Variants in SLC25A42 observed in about 807,000 individuals in gnomAD.
SLC25A42 encodes solute carrier family 25 member 42.
Under a neutral mutation model 34.7 loss-of-function variants are expected in SLC25A42, and 19 were observed. The ratio of observed to expected loss-of-function variants is 0.55; its 90% CI spans 0.38 to 0.80. The LOEUF is 0.80. Among genes scored for constraint, SLC25A42 ranks in the 30% least tolerant of loss-of-function variants. The pLI is 0.00. For missense variants in SLC25A42, 364 were observed against 441.3 expected (o/e 0.82, Z 1.57); for synonymous variants, 205 against 191.2 (o/e 1.07, Z -0.59).
chr19:19,068,404 C>T (rs573283919), intron 1 of SLC25A42, among the ~76,000 whole-genome samples: 12 of 148,094 alleles, frequency 8.1e-5, no homozygotes, highest in Non-Finnish European at 1.6e-4. Context: ...TGGTGGCTCA[C>T]GCCTTTCATC....
intron 1 of SLC25A42, among the ~76,000 whole-genome samples, chr19:19,066,733 GAGCCACTGCGCCC>G (rs1029071091): frequency 8.5e-5 from 13 of 152,126 alleles, no homozygotes; most frequent in Admixed American, 7.9e-4. Context: ...TTACAGGCGT[GAGCCACTGCGCCC>G]AGCCACTGCA....
chr19:19,103,933 GTC>G (rs897465505), intron 3 of SLC25A42, among the ~76,000 whole-genome samples: 6 of 151,240 alleles, frequency 4.0e-5, no homozygotes, highest in Admixed American at 1.3e-4. Flanking sequence ...TAGAGACAGA[GTC>G]TCTCTCTGTC....
rs201832513 is a variant in SLC25A42, at chr19:19,072,689, T to A, written c.-35+8574T>A. ...TGAGCCACCTCACTCAGCCAAAAAATTTTTTTTAGAGACAGGGTCTTGTTC... is the reference window on the plus strand; with the variant it reads ...TGAGCCACCTCACTCAGCCAAAAAAATTTTTTTAGAGACAGGGTCTTGTTC... On this transcript the variant is annotated intron_variant, in intron 1 of 7. Coordinates refer to ENST00000318596, the MANE Select transcript of SLC25A42 (RefSeq NM_178526.5). 5.5e-4 allele frequency among the ~76,000 whole-genome samples: 83 copies of A among 150,744 alleles called. No homozygotes were observed. The East Asian group carries it at 0.013, about 24-fold the overall frequency.
chr19:19,089,919 G>A (rs1177183248), intron 1 of SLC25A42, among the ~76,000 whole-genome samples: 1 of 152,116 alleles, frequency 6.6e-6, no homozygotes, highest in African/African-American at 2.4e-5. Flanking sequence ...GAGCTGAGAA[G>A]AGTAAGGCAT....
intron 1 of SLC25A42, among the ~76,000 whole-genome samples, chr19:19,065,588 C>T (rs1433851763): frequency 6.6e-6 from 1 of 152,132 alleles, no homozygotes; most frequent in Non-Finnish European, 1.5e-5. Context: ...CCTGCAAAGA[C>T]GGTACCAGAA....
At chr19:19,101,448 G>A (rs568755878) in intron 2 of SLC25A42, among the ~76,000 whole-genome samples, 2 of 152,298 alleles carry the variant, frequency 1.3e-5, no homozygotes, top group East Asian at 1.9e-4. Flanking sequence ...CCACAGTGCC[G>A]TAGTCAGGTG....
Position 19,101,865 on chromosome 19 carries a change from C to A in SLC25A42, c.166C>A (p.Arg56=). The A allele has an allele frequency of 6.2e-7, 1 of 1,613,034 alleles. No individual in the cohort carries two copies. The highest frequency in any genetic ancestry group is 1.1e-5 in the South Asian group (1 of 90,946). The change falls in exon 3 of 8, where the codon CGA becomes AGA. Residue 56 remains arginine, a synonymous_variant. Coordinates refer to ENST00000318596, the MANE Select transcript of SLC25A42 (RefSeq NM_178526.5). ...CAAAACAGCGGTAGCTCCCCTGGACCGAACCAAAATCATCTTCCAAGGTAA... is the reference window on the plus strand; with the variant it reads ...CAAAACAGCGGTAGCTCCCCTGGACAGAACCAAAATCATCTTCCAAGGTAA... ...LAKTAVAPLD[R]TKIIFQVSSK...
At chr19:19,101,750 C>T (rs751658914) in intron 2 of SLC25A42, 31 bp from the exon 3 acceptor site, 1 of 1,594,850 alleles carries the variant, frequency 6.3e-7, no homozygotes, top group African/African-American at 1.3e-5. Flanking sequence ...CCCCCCTGCC[C>T]TCTGACCTCT....
chr19:19,104,038 C>G (rs2059812737), intron 3 of SLC25A42, among the ~76,000 whole-genome samples: 1 of 152,174 alleles, frequency 6.6e-6, no homozygotes, highest in Non-Finnish European at 1.5e-5. Flanking sequence ...TCCCGAGTAG[C>G]TGGGATTGCA....
chr19:19,079,222 A>AT (rs2059669761), intron 1 of SLC25A42, among the ~76,000 whole-genome samples: 1 of 151,802 alleles, frequency 6.6e-6, no homozygotes, highest in Non-Finnish European at 1.5e-5. Flanking sequence ...TATCCAGCTA[A>AT]TTTTTGTATT....
chr19:19,103,858 A>G (rs966009361), intron 3 of SLC25A42, among the ~76,000 whole-genome samples: 4 of 152,034 alleles, frequency 2.6e-5, no homozygotes, highest in African/African-American at 9.7e-5. Flanking sequence ...GCATCCAGTG[A>G]GCTGGCAGGC....
intron 1 of SLC25A42, among the ~76,000 whole-genome samples, chr19:19,076,602 C>A (rs1419588149): frequency 6.6e-6 from 1 of 152,236 alleles, no homozygotes; most frequent in African/African-American, 2.4e-5. Context: ...TGCCCCACTC[C>A]CAGGTTTGGC....
intron 1 of SLC25A42, among the ~76,000 whole-genome samples, chr19:19,089,300 G>A (rs1434411197): frequency 4.6e-5 from 7 of 152,044 alleles, no homozygotes; most frequent in Admixed American, 3.9e-4. Flanking sequence ...GGCTGAGGCG[G>A]GCAGATCATG....
intron 1 of SLC25A42, among the ~76,000 whole-genome samples, chr19:19,089,463 G>A (rs1281224783): frequency 2.6e-5 from 4 of 151,814 alleles, no homozygotes; most frequent in Non-Finnish European, 5.9e-5. Flanking sequence ...GGGAGGTGGA[G>A]GTTGCAGTGA....
At chr19:19,094,769 C>CGGT (rs1316892863) in intron 1 of SLC25A42, among the ~76,000 whole-genome samples, 1 of 152,184 alleles carries the variant, frequency 6.6e-6, no homozygotes, top group African/African-American at 2.4e-5. Context: ...TAACCAGGCA[C>CGGT]GGTGGCCATG....
chr19:19,078,776 G>T (rs745603161), intron 1 of SLC25A42, among the ~76,000 whole-genome samples: 86 of 152,008 alleles, frequency 5.7e-4, no homozygotes, highest in Non-Finnish European at 9.3e-4. Flanking sequence ...GCAGAGAAGG[G>T]CCTCCCAGGG....
chr19:19,108,910 C>T (rs1033197638), intron 7 of SLC25A42, among the ~76,000 whole-genome samples: 3 of 151,642 alleles, frequency 2.0e-5, no homozygotes, highest in African/African-American at 7.3e-5. Context: ...AGGTGTGAGC[C>T]GCTGCACTCA....
intron 1 of SLC25A42, among the ~76,000 whole-genome samples, chr19:19,074,423 T>G (rs779644006): frequency 1.3e-5 from 2 of 152,246 alleles, no homozygotes; most frequent in Non-Finnish European, 2.9e-5. Context: ...GATAGGATGT[T>G]AATTGGCTTC....
chr19:19,067,020 T>G (rs2059606203), intron 1 of SLC25A42, among the ~76,000 whole-genome samples: 1 of 46,872 alleles, frequency 2.1e-5, no homozygotes, highest in Admixed American at 3.1e-4. Flanking sequence ...AGACCCTGTC[T>G]CAAAAAAAAA....
Sources: allele counts gnomAD v4.1 joint callset (sites outside exome capture counted in the v4.1 genomes callset), GRCh38; gene constraint gnomAD v4.1.1; transcripts MANE v1.5; gene names NCBI Gene and HGNC (gene_info 2026-07-23, HGNC 2026-07-21).